Variants in MCC observed in about 807,000 individuals in gnomAD.
The protein encoded by MCC is MCC regulator of Wnt signaling pathway, also known as colorectal mutant cancer protein.
A neutral mutation model predicts 116.2 loss-of-function variants in MCC; 90 were observed. That is an observed-to-expected ratio of 0.77 (90% CI 0.65 to 0.92). The LOEUF is 0.92. Among genes scored for constraint, MCC ranks in the 40% least tolerant of loss-of-function variants. The pLI is 0.00. For missense variants in MCC, 1,516 were observed against 1,312.2 expected (o/e 1.16, Z -2.40); for synonymous variants, 578 against 510.5 (o/e 1.13, Z -1.78).
chr5:113,184,877 T>C (rs1463797996), intron 3 of MCC, among the ~76,000 whole-genome samples: 3 of 152,176 alleles, frequency 2.0e-5, no homozygotes, highest in African/African-American at 7.2e-5. Flanking sequence ...ACCTTAACTT[T>C]GTATAAAGTA....
At chr5:113,128,559 A>G (rs1414300988) in intron 5 of MCC, among the ~76,000 whole-genome samples, 1 of 152,208 alleles carries the variant, frequency 6.6e-6, no homozygotes, top group Admixed American at 6.5e-5. Context: ...CAGATAGCAT[A>G]GAGAAGATCA....
chr5:113,470,392 C>A (rs999579808), intron 1 of MCC, among the ~76,000 whole-genome samples: 118 of 150,918 alleles, frequency 7.8e-4, no homozygotes, highest in African/African-American at 2.7e-3. Flanking sequence ...GACAAAATCT[C>A]TCAGCATTTG....
chr5:113,143,394 G>T, intron 4 of MCC, 34 bp from the exon 5 acceptor site: 1 of 1,611,910 alleles, frequency 6.2e-7, no homozygotes. Context: ...AAGTGCTGAT[G>T]AATTCATGCA....
chr5:113,242,023 A>G (rs1764387680), intron 3 of MCC, among the ~76,000 whole-genome samples: 1 of 152,212 alleles, frequency 6.6e-6, no homozygotes, highest in African/African-American at 2.4e-5. Context: ...ACAGTATAAA[A>G]TGAACACCCT....
intron 3 of MCC, among the ~76,000 whole-genome samples, chr5:113,265,249 C>T (rs1765378487): frequency 6.6e-6 from 1 of 152,098 alleles, no homozygotes; most frequent in Non-Finnish European, 1.5e-5. Context: ...TATCCTGAGA[C>T]CCTTAGAGAA....
intron 1 of MCC, among the ~76,000 whole-genome samples, chr5:113,412,601 T>C (rs1233941350): frequency 1.3e-5 from 2 of 152,206 alleles, no homozygotes; most frequent in Non-Finnish European, 2.9e-5. Flanking sequence ...GGAATGCTTG[T>C]GATTTTTGCA....
At chr5:113,416,443 C>A (rs1159847634) in intron 1 of MCC, among the ~76,000 whole-genome samples, 1 of 151,816 alleles carries the variant, frequency 6.6e-6, no homozygotes, top group Non-Finnish European at 1.5e-5. Context: ...AAAAAAGTGG[C>A]AGGGGGAGCA....
intron 6 of MCC, among the ~76,000 whole-genome samples, chr5:113,105,746 C>G (rs1456279592): frequency 6.6e-6 from 1 of 152,214 alleles, no homozygotes; most frequent in Non-Finnish European, 1.5e-5. Context: ...TAACAATCTC[C>G]TGCCTCTACT....
intron 5 of MCC, among the ~76,000 whole-genome samples, chr5:113,137,835 T>C (rs572626665): frequency 3.3e-5 from 5 of 152,078 alleles, no homozygotes; most frequent in Non-Finnish European, 7.3e-5. Context: ...CTCTAGGGCA[T>C]TGAAAAAGGT....
intron 1 of MCC, among the ~76,000 whole-genome samples, chr5:113,399,519 A>C (rs1266839146): frequency 1.3e-5 from 2 of 152,172 alleles, no homozygotes; most frequent in African/African-American, 2.4e-5. Context: ...GTCAGTTATT[A>C]TTAAGGTTAT....
At chr5:113,293,582 A>G (rs10068622) in intron 3 of MCC, among the ~76,000 whole-genome samples, 60,591 of 152,016 alleles carry the variant, frequency 0.4, 16,041 homozygotes, top group African/African-American at 0.75. Flanking sequence ...CATCCCTAAA[A>G]TCATGAAAAA....
chr5:113,434,149 G>C lies in MCC; in HGVS notation c.171-48937C>G, dbSNP rs1770768182. 1 of 1,614,166 alleles carries C rather than the reference G, an allele frequency of 6.2e-7. No individual in the cohort carries two copies. Among genetic ancestry groups the C allele is most frequent in the Admixed American group, 1.7e-5 (1 of 60,012 alleles). Reference sequence around the variant, plus strand: ...TTGGAGCGTGGGAAGTTGACGCGGTGCTCCTTCTGGATACGCAGCATCTTC... The same window carrying C: ...TTGGAGCGTGGGAAGTTGACGCGGTCCTCCTTCTGGATACGCAGCATCTTC... On this transcript the variant is annotated intron_variant, in intron 1 of 18. Transcript: ENST00000408903. The surrounding 1 kb of genome is among the most constrained non-coding windows in gnomAD (Gnocchi z 4.2).
At chr5:113,115,013 CTT>C (rs1175955787) in intron 6 of MCC, among the ~76,000 whole-genome samples, 2 of 148,180 alleles carry the variant, frequency 1.3e-5, no homozygotes, top group Non-Finnish European at 2.9e-5. Context: ...CACTGAGCTG[CTT>C]AACACTTAAG....
chr5:113,167,508 A>T (rs1274356899), intron 3 of MCC, among the ~76,000 whole-genome samples: 1 of 152,226 alleles, frequency 6.6e-6, no homozygotes, highest in African/African-American at 2.4e-5. Flanking sequence ...AGAGTGAAAA[A>T]GGGAAAGAGA....
intron 3 of MCC, among the ~76,000 whole-genome samples, chr5:113,162,119 G>A (rs1561416109): frequency 6.6e-6 from 1 of 152,186 alleles, no homozygotes; most frequent in Non-Finnish European, 1.5e-5. Context: ...TAGAAAGAAG[G>A]AATGGCTTTT....
chr5:113,201,294 G>C (rs1487725156), intron 3 of MCC, among the ~76,000 whole-genome samples: 4 of 150,722 alleles, frequency 2.7e-5, no homozygotes, highest in Non-Finnish European at 5.9e-5. Flanking sequence ...GCTGAAGCAG[G>C]AGAATTGCTT....
At chr5:113,356,784 C>T (rs939390756) in intron 2 of MCC, among the ~76,000 whole-genome samples, 68 of 152,314 alleles carry the variant, frequency 4.5e-4, no homozygotes, top group African/African-American at 1.6e-3. Flanking sequence ...GCCAAAGCAT[C>T]TGGAACACCT....
At chr5:113,168,793 G>A (rs2150302049) in intron 3 of MCC, among the ~76,000 whole-genome samples, 1 of 152,196 alleles carries the variant, frequency 6.6e-6, no homozygotes, top group East Asian at 1.9e-4. Flanking sequence ...AGCAGAGAAC[G>A]GGGCAGGGGC....
chr5:113,061,187 G>C (rs1403923105), intron 14 of MCC, among the ~76,000 whole-genome samples: 1 of 152,218 alleles, frequency 6.6e-6, no homozygotes, highest in Non-Finnish European at 1.5e-5. Flanking sequence ...GGTACCTAGA[G>C]GCTCACGGCA....
Sources: gnomAD v4.1 joint callset for allele counts (sites outside exome capture counted in the v4.1 genomes callset) on GRCh38, gnomAD v4.1.1 for gene constraint, Gnocchi (gnomAD v3.1) non-coding constraint, MANE v1.5 for transcripts, NCBI Gene and HGNC (gene_info 2026-07-23, HGNC 2026-07-21) for gene names.